Variants in ST18 observed in about 807,000 individuals in gnomAD.
ST18 encodes the protein ST18 C2H2C-type zinc finger transcription factor.
Under a neutral mutation model 110.0 loss-of-function variants are expected in ST18, and 50 were observed. That is an observed-to-expected ratio of 0.45 (90% CI 0.36 to 0.58). ST18 has a LOEUF of 0.58. Ranked by LOEUF, ST18 falls within the 20% of genes least tolerant of loss-of-function variation. The probability of loss-of-function intolerance (pLI) is 0.00; values close to 1 mark genes in which losing one functional copy is unlikely to be tolerated. For missense variants in ST18, 1,306 were observed against 1,280.1 expected, an observed-to-expected ratio of 1.02 and a Z score of -0.31; for synonymous variants, 461 against 452.4, an observed-to-expected ratio of 1.02 and a Z score of -0.24.
At chr8:52,396,745 A>G (rs929257265) in intron 2 of ST18, among the ~76,000 whole-genome samples, 6 of 152,176 alleles carry the variant, frequency 3.9e-5, no homozygotes, top group African/African-American at 1.4e-4. Flanking sequence ...AACCACCCCC[A>G]TGATCTAATT....
chr8:52,336,821 A>G (rs1044161273), intron 2 of ST18, among the ~76,000 whole-genome samples: 32 of 152,256 alleles, frequency 2.1e-4, no homozygotes, highest in African/African-American at 7.7e-4. Flanking sequence ...TTTAAAAAAG[A>G]CCACACTTTC....
intron 2 of ST18, chr8:52,296,402 C>G (rs750035414): frequency 3.9e-5 from 6 of 152,140 alleles, no homozygotes; most frequent in Non-Finnish European, 8.8e-5. Flanking sequence ...CCCTCCTAGA[C>G]GGGGGGAACT....
At chr8:52,129,927 C>T (rs1348567373) in intron 22 of ST18, among the ~76,000 whole-genome samples, 3 of 151,912 alleles carry the variant, frequency 2.0e-5, no homozygotes, top group Non-Finnish European at 4.4e-5. Context: ...CACCTGTAGT[C>T]CCAGCCACTC....
At chr8:52,219,003 G>C (rs771194710) in intron 5 of ST18, among the ~76,000 whole-genome samples, 2 of 152,172 alleles carry the variant, frequency 1.3e-5, no homozygotes, top group Non-Finnish European at 2.9e-5. Context: ...AAAAACTCAA[G>C]AAGTTGGAAA....
At chr8:52,229,925 C>A (rs571871651) in intron 3 of ST18, 107 bp downstream of exon 3, 2 of 152,536 alleles carry the variant, frequency 1.3e-5, no homozygotes, top group South Asian at 2.1e-4. Flanking sequence ...CTTTTCTGGT[C>A]CTCTAAAATG....
At chr8:52,286,529 T>C (rs17315018) in intron 2 of ST18, among the ~76,000 whole-genome samples, 24,492 of 152,012 alleles carry the variant, frequency 0.16, 2,160 homozygotes, top group Middle Eastern at 0.29. Flanking sequence ...ATCATTATGA[T>C]CATCTCCTTT....
chr8:52,292,114 T>C (rs982433212), intron 2 of ST18, among the ~76,000 whole-genome samples: 3 of 152,204 alleles, frequency 2.0e-5, no homozygotes, highest in African/African-American at 2.4e-5. Flanking sequence ...TATTAACTCT[T>C]CTTTGAGAAA....
chr8:52,316,067 T>C (rs573826643), intron 2 of ST18, among the ~76,000 whole-genome samples: 3 of 152,250 alleles, frequency 2.0e-5, no homozygotes, highest in Non-Finnish European at 2.9e-5. Context: ...AAGGTATCAA[T>C]TGTGCATATC....
intron 2 of ST18, among the ~76,000 whole-genome samples, chr8:52,384,786 G>GCTGTGT (rs147007096): frequency 8.8e-5 from 13 of 147,386 alleles, no homozygotes; most frequent in African/African-American, 3.0e-4. Context: ...TGTGTACACA[G>GCTGTGT]GTGTGTGTGT....
chr8:52,201,899 A>G (rs1456104670), intron 8 of ST18, among the ~76,000 whole-genome samples: 1 of 152,260 alleles, frequency 6.6e-6, no homozygotes, highest in African/African-American at 2.4e-5. Flanking sequence ...GGCAGAATTA[A>G]GGGCATCTCC....
At chr8:52,324,622 C>T (rs765701984) in intron 2 of ST18, among the ~76,000 whole-genome samples, 1 of 152,234 alleles carries the variant, frequency 6.6e-6, no homozygotes, top group East Asian at 1.9e-4. Context: ...TACTCTATGC[C>T]GGGTAGCATA....
At chr8:52,165,725 A>G (rs554622358) in intron 11 of ST18, among the ~76,000 whole-genome samples, 1 of 152,360 alleles carries the variant, frequency 6.6e-6, no homozygotes, top group Admixed American at 6.5e-5. Context: ...GCGAAGAGCC[A>G]GAGAACCAGT....
chr8:52,253,075 G>A (rs535463948), intron 2 of ST18, among the ~76,000 whole-genome samples: 1 of 151,252 alleles, frequency 6.6e-6, no homozygotes, highest in East Asian at 1.9e-4. Flanking sequence ...AGTATTAGCT[G>A]TGGCATGAGA....
chr8:52,404,296 C>G (rs954294127), intron 2 of ST18: 1 of 152,070 alleles, frequency 6.6e-6, no homozygotes, highest in Non-Finnish European at 1.5e-5. Flanking sequence ...GAGAATTAAA[C>G]GAGACAGCAC....
chr8:52,383,610 G>T (rs1233477793), intron 2 of ST18, among the ~76,000 whole-genome samples: 2 of 151,128 alleles, frequency 1.3e-5, no homozygotes, highest in African/African-American at 4.9e-5. Context: ...CACCATGCCT[G>T]GCTAATTTTT....
At chr8:52,185,036 G>C (rs1192657370) in intron 8 of ST18, among the ~76,000 whole-genome samples, 1 of 152,136 alleles carries the variant, frequency 6.6e-6, no homozygotes, top group Non-Finnish European at 1.5e-5. Context: ...ATTATTTGTA[G>C]AGGTATGATT....
chr8:52,374,115 G>C (rs1409031110), intron 2 of ST18, among the ~76,000 whole-genome samples: 1 of 152,168 alleles, frequency 6.6e-6, no homozygotes, highest in Non-Finnish European at 1.5e-5. Flanking sequence ...GGGTTGAAGG[G>C]TGCCACCAAA....
At chr8:52,326,884 G>C (rs1212930664) in intron 2 of ST18, among the ~76,000 whole-genome samples, 1 of 152,160 alleles carries the variant, frequency 6.6e-6, no homozygotes, top group East Asian at 1.9e-4. Flanking sequence ...CACAGGGCTG[G>C]CAGCAGCCAA....
chr8:52,374,847 T>C (rs1272629193), intron 2 of ST18, among the ~76,000 whole-genome samples: 1 of 152,236 alleles, frequency 6.6e-6, no homozygotes, highest in African/African-American at 2.4e-5. Flanking sequence ...TCCATATCCC[T>C]GCAAAGGACA....
Sources: gnomAD v4.1 joint callset for allele counts (sites outside exome capture counted in the v4.1 genomes callset) on GRCh38, gnomAD v4.1.1 for gene constraint, MANE v1.5 for transcripts, NCBI Gene and HGNC (gene_info 2026-07-23, HGNC 2026-07-21) for gene names.